SKA2: variants seen among roughly 807,000 people sequenced by gnomAD.
SKA2 encodes the protein spindle and kinetochore associated complex subunit 2.
In SKA2, 13 loss-of-function variants were observed where a neutral mutation model predicts 16.9. The ratio of observed to expected loss-of-function variants is 0.77; its 90% CI spans 0.50 to 1.22. The LOEUF (loss-of-function observed/expected upper bound fraction) is 1.22. SKA2 is among the 50% of genes most tolerant of loss of function. The probability of loss-of-function intolerance (pLI) is 0.00; values close to 1 mark genes in which losing one functional copy is unlikely to be tolerated. For missense variants in SKA2, 107 were observed against 139.7 expected (o/e 0.77, Z 1.18); for synonymous variants, 47 against 48.5 (o/e 0.97, Z 0.13).
rs988389135 is a variant in SKA2 at position 59,129,645 on chromosome 17, G to A, written c.120+1636C>T. Among the ~76,000 whole-genome samples, 4 of 151,768 alleles carry A rather than the reference G, an allele frequency of 2.6e-5. No homozygotes were observed. In the Admixed American group the frequency reaches 2.6e-4, roughly 10 times the overall value. ...GGCTGAGGCGGGTGGATCACTTGAG[G>A]TCAGGAGTTTGAGACCAGCCTAACA... On this transcript the variant is annotated intron_variant, in intron 2 of 3. Transcript: ENST00000330137.
chr17:59,146,845 A>G (rs2046535982), intron 1 of SKA2, among the ~76,000 whole-genome samples: 1 of 152,052 alleles, frequency 6.6e-6, no homozygotes, highest in Admixed American at 6.6e-5. Context: ...TTTTACTTTT[A>G]TTTTTAGTAG....
chr17:59,125,864 G>C (rs1049188891), intron 2 of SKA2, among the ~76,000 whole-genome samples: 1 of 151,952 alleles, frequency 6.6e-6, no homozygotes, highest in South Asian at 2.1e-4. Flanking sequence ...TAGGGAAAAT[G>C]TTCATAAAAT....
At chr17:59,146,307 C>T (rs1599678698) in intron 1 of SKA2, among the ~76,000 whole-genome samples, 1 of 151,904 alleles carries the variant, frequency 6.6e-6, no homozygotes, top group Non-Finnish European at 1.5e-5. Context: ...GAGACCAGCC[C>T]GGCCAATGTG....
At chr17:59,129,627 G>T (rs1270695076) in intron 2 of SKA2, among the ~76,000 whole-genome samples, 2 of 152,008 alleles carry the variant, frequency 1.3e-5, no homozygotes, top group African/African-American at 4.8e-5. Flanking sequence ...GGAGGCTGAG[G>T]CGGGTGGATC....
At chr17:59,142,347 A>G (rs1409011275) in intron 1 of SKA2, among the ~76,000 whole-genome samples, 2 of 150,084 alleles carry the variant, frequency 1.3e-5, no homozygotes, top group Non-Finnish European at 3.0e-5. Context: ...CTGGAGTGCA[A>G]TGATGTGATC....
intron 1 of SKA2, among the ~76,000 whole-genome samples, chr17:59,136,547 T>C (rs1169392600): frequency 6.7e-6 from 1 of 150,228 alleles, no homozygotes; most frequent in Admixed American, 6.6e-5. Context: ...GATAGAAAAA[T>C]AAGCTTTTTT....
At chr17:59,136,666 A>T (rs1568307746) in intron 1 of SKA2, among the ~76,000 whole-genome samples, 2 of 151,628 alleles carry the variant, frequency 1.3e-5, no homozygotes, top group African/African-American at 2.4e-5. Flanking sequence ...CTCCTGCCTC[A>T]TCCTCCCGAG....
chr17:59,128,545 G>C (rs963413589), intron 2 of SKA2, among the ~76,000 whole-genome samples: 2 of 151,290 alleles, frequency 1.3e-5, no homozygotes, highest in South Asian at 4.2e-4. Flanking sequence ...AGAGTTGCTT[G>C]AACTCGGAAG....
intron 1 of SKA2, 115 bp from the exon 2 acceptor site, chr17:59,131,482 A>C: frequency 1.8e-5 from 10 of 547,558 alleles, no homozygotes; most frequent in Non-Finnish European, 3.0e-5. Context: ...ATACATACTC[A>C]TTTGAAAATG....
intron 2 of SKA2, among the ~76,000 whole-genome samples, chr17:59,122,245 G>A (rs554212891): frequency 2.0e-5 from 3 of 152,238 alleles, no homozygotes; most frequent in East Asian, 1.9e-4. Flanking sequence ...ATGCCAAGGC[G>A]GGAGGATCGC....
intron 2 of SKA2, among the ~76,000 whole-genome samples, chr17:59,123,021 C>CAAAAAAAAAAA (rs1197154280): frequency 4.1e-5 from 2 of 49,034 alleles, no homozygotes; most frequent in African/African-American, 7.0e-5. Context: ...AACCTTGTCT[C>CAAAAAAAAAAA]AAAAAAAAAA....
intron 1 of SKA2, among the ~76,000 whole-genome samples, chr17:59,132,496 T>TAAAATTAG (rs2046418350): frequency 2.0e-5 from 3 of 152,286 alleles, no homozygotes; most frequent in Admixed American, 2.0e-4. Flanking sequence ...AAACCCCATC[T>TAAAATTAG]CTACTAAAAA....
At position 59,110,502 on chromosome 17, in the gene SKA2, A is replaced by C. The variant is rs2056038554; in HGVS notation, c.*1775T>G. ...GTGTAACTTATTTCTCTGTAATTAA[A>C]AAAAAGGGGGCCAGGCACGGTAGCT... is the stretch of plus-strand genomic sequence containing the variant. On this transcript the variant is annotated 3_prime_UTR_variant, in exon 4 of 4. Transcript: ENST00000330137. 6.6e-6 allele frequency: 1 copy of C among 152,022 alleles called. No homozygotes were observed. The highest frequency in any genetic ancestry group is 2.4e-5 in the African/African-American group (1 of 41,404). The allele number at this position is 152,022 out of a possible 1,614,324, so 9.4% of individuals were successfully genotyped here. A position where few individuals can be genotyped will look rare whatever the true frequency, so the allele number is the denominator to read the frequency against.
chr17:59,146,100 C>T (rs2046530213), intron 1 of SKA2, among the ~76,000 whole-genome samples: 1 of 152,076 alleles, frequency 6.6e-6, no homozygotes, highest in Non-Finnish European at 1.5e-5. Context: ...ACAGCTCTTA[C>T]ATTTACTAAC....
At chr17:59,121,837 C>T (rs931304691) in intron 2 of SKA2, among the ~76,000 whole-genome samples, 3 of 144,402 alleles carry the variant, frequency 2.1e-5, no homozygotes, top group East Asian at 2.1e-4. Context: ...CCAGGCGTGT[C>T]GGCATGCGCC....
At chr17:59,135,340 G>A (rs965251001) in intron 1 of SKA2, among the ~76,000 whole-genome samples, 5 of 135,412 alleles carry the variant, frequency 3.7e-5, no homozygotes, top group East Asian at 4.4e-4. Context: ...TTTTTTAGAA[G>A]GAGTCTCACT....
chr17:59,141,556 A>ACCT (rs2046489753), intron 1 of SKA2, among the ~76,000 whole-genome samples: 1 of 151,052 alleles, frequency 6.6e-6, no homozygotes, highest in Non-Finnish European at 1.5e-5. Context: ...TGAAGGTGAA[A>ACCT]CCTCATCTCT....
At chr17:59,114,537 AAAT>A (rs748098805) in intron 3 of SKA2, among the ~76,000 whole-genome samples, 2 of 152,208 alleles carry the variant, frequency 1.3e-5, no homozygotes, top group Non-Finnish European at 2.9e-5. Context: ...AGTACAGTAA[AAAT>A]ACGCTATTAT....
chr17:59,127,781 T>C (rs1254358049), intron 2 of SKA2, among the ~76,000 whole-genome samples: 2 of 152,082 alleles, frequency 1.3e-5, no homozygotes, highest in East Asian at 3.8e-4. Context: ...TGAGTTATCA[T>C]ATGGCCAGCA....
Sources: allele counts gnomAD v4.1 joint callset (sites outside exome capture counted in the v4.1 genomes callset), GRCh38; gene constraint gnomAD v4.1.1; transcripts MANE v1.5; gene names NCBI Gene and HGNC (gene_info 2026-07-23, HGNC 2026-07-21).